GRIK2: variants seen among roughly 807,000 people sequenced by gnomAD.
GRIK2 encodes glutamate receptor ionotropic, kainate 2.
A neutral mutation model predicts 100.3 loss-of-function variants in GRIK2; 32 were observed. The observed-to-expected ratio is 0.32, with a 90% CI of 0.24 to 0.43. The LOEUF (loss-of-function observed/expected upper bound fraction) is 0.43. Ranked by LOEUF, GRIK2 falls within the 20% of genes least tolerant of loss-of-function variation. GRIK2 has a pLI of 1.00. For synonymous variants in GRIK2, 417 were observed against 389.4 expected (o/e 1.07, Z -0.83); for missense variants, 843 against 1,114.9 (o/e 0.76, Z 3.47).
chr6:101,922,590 A>G (rs990160261), intron 12 of GRIK2, among the ~76,000 whole-genome samples: 52 of 152,196 alleles, frequency 3.4e-4, no homozygotes, highest in African/African-American at 7.5e-4. Flanking sequence ...GTGTCAAAGT[A>G]TTGAATATTT....
At chr6:101,780,604 T>A (rs6940246) in intron 7 of GRIK2, among the ~76,000 whole-genome samples, 5,095 of 152,144 alleles carry the variant, frequency 0.033, 201 homozygotes, top group African/African-American at 0.094. Flanking sequence ...AATAATAATA[T>A]TATAAAAATG....
intron 14 of GRIK2, among the ~76,000 whole-genome samples, chr6:102,029,423 A>G (rs1769869587): frequency 2.6e-5 from 4 of 151,288 alleles, no homozygotes; most frequent in South Asian, 4.1e-4. Flanking sequence ...CATATTCAAC[A>G]TAGAAATATT....
intron 14 of GRIK2, among the ~76,000 whole-genome samples, chr6:101,992,744 A>T (rs1794442324): frequency 6.6e-6 from 1 of 151,580 alleles, no homozygotes; most frequent in Non-Finnish European, 1.5e-5. Context: ...AGTTTGAACT[A>T]TCTAAACTAA....
At chr6:101,883,815 T>A (rs1057413014) in intron 11 of GRIK2, among the ~76,000 whole-genome samples, 2 of 152,156 alleles carry the variant, frequency 1.3e-5, no homozygotes, top group African/African-American at 2.4e-5. Flanking sequence ...CAGACAGAGT[T>A]GTTGAAACAA....
intron 12 of GRIK2, among the ~76,000 whole-genome samples, chr6:101,901,463 T>C (rs78190464): frequency 0.087 from 13,231 of 151,900 alleles, 795 homozygotes; most frequent in Middle Eastern, 0.19. Context: ...GAAATCTTAT[T>C]ATAAAATGAT....
At chr6:101,495,067 C>A (rs1773362469) in intron 2 of GRIK2, among the ~76,000 whole-genome samples, 1 of 144,244 alleles carries the variant, frequency 6.9e-6, no homozygotes, top group Non-Finnish European at 1.5e-5. Context: ...CAGACTTTTT[C>A]CATTATATCA....
chr6:101,909,700 G>A (rs1280626891), intron 12 of GRIK2, among the ~76,000 whole-genome samples: 2 of 116,892 alleles, frequency 1.7e-5, no homozygotes, highest in African/African-American at 6.5e-5. Flanking sequence ...AAAAAATAAT[G>A]TGTGTATGTG....
At position 101,558,744 on chromosome 6, in the gene GRIK2, C is replaced by T. The variant is rs139991666; in HGVS notation, c.116-63205C>T. Among the ~76,000 whole-genome samples the T allele has an allele frequency of 1.4e-3, 214 of 148,940 alleles. 1 individual carries two copies. Among genetic ancestry groups the T allele is most frequent in the African/African-American group, 5.2e-3 (208 of 40,302 alleles). On this transcript the variant is annotated intron_variant, in intron 2 of 16. Coordinates refer to ENST00000369134, the MANE Select transcript of GRIK2 (RefSeq NM_021956.5). Reference sequence around the variant, plus strand: ...AAACATTTCTTCTTTCATGTGAAGTCATTCTATGTTCTGTCCCAAGTGATA... The same window carrying T: ...AAACATTTCTTCTTTCATGTGAAGTTATTCTATGTTCTGTCCCAAGTGATA...
chr6:101,561,630 T>A (rs66971142), intron 2 of GRIK2, among the ~76,000 whole-genome samples: 20,203 of 151,970 alleles, frequency 0.13, 1,715 homozygotes, highest in East Asian at 0.34. Context: ...TGGGCAACTA[T>A]TATATATCAA....
chr6:101,577,458 A>C (rs1777844623), intron 2 of GRIK2, among the ~76,000 whole-genome samples: 1 of 152,134 alleles, frequency 6.6e-6, no homozygotes, highest in Admixed American at 6.6e-5. Flanking sequence ...CTCAGAAACC[A>C]TATTTTTTCT....
intron 4 of GRIK2, among the ~76,000 whole-genome samples, chr6:101,633,230 C>A (rs1320500977): frequency 6.6e-6 from 1 of 152,070 alleles, no homozygotes; most frequent in Admixed American, 6.6e-5. Flanking sequence ...TTTCAAACCA[C>A]CATGGAATGC....
intron 12 of GRIK2, among the ~76,000 whole-genome samples, chr6:101,893,453 A>G (rs1787236267): frequency 6.6e-6 from 1 of 151,810 alleles, no homozygotes; most frequent in African/African-American, 2.4e-5. Flanking sequence ...AAAACGCTGT[A>G]TCTCAAAACT....
At chr6:101,910,825 A>T (rs1003090682) in intron 12 of GRIK2, among the ~76,000 whole-genome samples, 1 of 130,756 alleles carries the variant, frequency 7.6e-6, no homozygotes, top group African/African-American at 2.7e-5. Flanking sequence ...ACAGTAAAAT[A>T]ATACCAACAT....
chr6:101,984,687 A>G (rs967573516), intron 14 of GRIK2, among the ~76,000 whole-genome samples: 6 of 148,808 alleles, frequency 4.0e-5, no homozygotes, highest in Non-Finnish European at 8.9e-5. Flanking sequence ...TTTTCTGTAA[A>G]GGAAGTCAGT....
rs9498792 is a variant in GRIK2 at position 101,985,790 on chromosome 6, G to C, written c.2086-49551G>C. Among the ~76,000 whole-genome samples the C allele has an allele frequency of 8.1e-3, 1,235 of 151,606 alleles. 17 individuals are homozygous for C. The highest frequency in any genetic ancestry group is 0.029 in the African/African-American group (1,200 of 41,444). On this transcript the variant is annotated intron_variant, in intron 14 of 16. Transcript: ENST00000369134. The stretch of plus-strand genomic sequence containing the variant: ...GTGGAAAATAAAATTAAGAAAGAAA[G>C]TAATAATAAAATAGAGAAAATGGTG...
chr6:101,862,911 G>A (rs1784810118), intron 11 of GRIK2, among the ~76,000 whole-genome samples: 1 of 152,080 alleles, frequency 6.6e-6, no homozygotes, highest in African/African-American at 2.4e-5. Flanking sequence ...CATCTTTTGA[G>A]TTTTTATGAT....
intron 7 of GRIK2, among the ~76,000 whole-genome samples, chr6:101,737,017 C>A (rs1351901003): frequency 2.6e-5 from 4 of 152,100 alleles, no homozygotes; most frequent in Non-Finnish European, 5.9e-5. Flanking sequence ...GGCAAAATGC[C>A]ACCAGTCTCT....
At chr6:102,037,198 A>G (rs1301872346) in intron 15 of GRIK2, among the ~76,000 whole-genome samples, 3 of 151,316 alleles carry the variant, frequency 2.0e-5, no homozygotes, top group African/African-American at 4.8e-5. Flanking sequence ...TTGTGCAGTC[A>G]TTATTGAAAT....
At chr6:101,659,387 A>C (rs1480090520) in intron 4 of GRIK2, among the ~76,000 whole-genome samples, 1 of 152,182 alleles carries the variant, frequency 6.6e-6, no homozygotes, top group African/African-American at 2.4e-5. Flanking sequence ...TTTTGGTACC[A>C]GTACCGTGCT....
Sources: allele counts gnomAD v4.1 joint callset (sites outside exome capture counted in the v4.1 genomes callset), GRCh38; gene constraint gnomAD v4.1.1; transcripts MANE v1.5; gene names NCBI Gene and HGNC (gene_info 2026-07-23, HGNC 2026-07-21).